The following H2BN1 variants were observed in gnomAD, a reference collection of about 807,000 sequenced individuals.
The protein encoded by H2BN1 is H2B.N variant histone 1.
At chr17:32,897,917 T>A in the H2BN1 span, among the ~76,000 whole-genome samples, 22 of 152,242 alleles carry the variant, frequency 1.4e-4, no homozygotes, top group Non-Finnish European at 4.4e-5. Context: ...CTAAACTAAG[T>A]GTTTTCCATC....
chr17:32,898,037 C>T, the H2BN1 span, among the ~76,000 whole-genome samples: 1 of 152,200 alleles, frequency 6.6e-6, no homozygotes. Flanking sequence ...ATCTTTCTCA[C>T]CAGCTCCAAA....
the H2BN1 span, among the ~76,000 whole-genome samples, chr17:32,899,205 G>C: frequency 1.3e-5 from 2 of 152,160 alleles, no homozygotes; most frequent in Admixed American, 1.3e-4. Flanking sequence ...TTTGCATATA[G>C]TATAGCAAGA....
chr17:32,905,043 A>C, the H2BN1 span, among the ~76,000 whole-genome samples: 1 of 152,146 alleles, frequency 6.6e-6, no homozygotes, highest in South Asian at 2.1e-4. Context: ...ACAAAACTCC[A>C]ATTCAGTTAT....
chr17:32,904,247 A>G, the H2BN1 span, among the ~76,000 whole-genome samples: 1 of 152,164 alleles, frequency 6.6e-6, no homozygotes, highest in Admixed American at 6.5e-5. Context: ...ATCTATGAAA[A>G]CAACAGTTCA....
the H2BN1 span, among the ~76,000 whole-genome samples, chr17:32,901,237 A>G: frequency 6.6e-6 from 1 of 152,090 alleles, no homozygotes; most frequent in Non-Finnish European, 1.5e-5. Flanking sequence ...AATCTTGACC[A>G]TAAGATATAA....
At chr17:32,904,833 G>A in the H2BN1 span, among the ~76,000 whole-genome samples, 1 of 151,944 alleles carries the variant, frequency 6.6e-6, no homozygotes, top group East Asian at 1.9e-4. Flanking sequence ...TAGTTGTGAG[G>A]AATTTTAGTC....
chr17:32,897,442 G>A, the H2BN1 span, among the ~76,000 whole-genome samples: 1 of 151,094 alleles, frequency 6.6e-6, no homozygotes, highest in Admixed American at 6.6e-5. Context: ...TGCTCCATAT[G>A]TCTCATGTCC....
the H2BN1 span, among the ~76,000 whole-genome samples, chr17:32,903,691 T>A: frequency 6.6e-6 from 1 of 152,240 alleles, no homozygotes; most frequent in Admixed American, 6.5e-5. Context: ...AGGAACAACG[T>A]AGTTTGCAGG....
chr17:32,903,869 G>C, the H2BN1 span, among the ~76,000 whole-genome samples: 1 of 152,082 alleles, frequency 6.6e-6, no homozygotes, highest in African/African-American at 2.4e-5. Context: ...TTTCTGAAGA[G>C]GGGGAACTGA....
the H2BN1 span, among the ~76,000 whole-genome samples, chr17:32,903,680 T>G: frequency 6.6e-6 from 1 of 152,184 alleles, no homozygotes; most frequent in African/African-American, 2.4e-5. Context: ...AAAAAGAATT[T>G]AGGAACAACG....
At chr17:32,902,365 A>T in the H2BN1 span, among the ~76,000 whole-genome samples, 1 of 152,172 alleles carries the variant, frequency 6.6e-6, no homozygotes, top group Non-Finnish European at 1.5e-5. Flanking sequence ...GTGTGGGCTG[A>T]ACTAACTTTG....
At chr17:32,905,312 G>A in the H2BN1 span, among the ~76,000 whole-genome samples, 2 of 152,218 alleles carry the variant, frequency 1.3e-5, no homozygotes, top group African/African-American at 4.8e-5. Context: ...GGGGAGATCA[G>A]GGATTCTCTG....
the H2BN1 span, among the ~76,000 whole-genome samples, chr17:32,904,173 C>A: frequency 2.0e-5 from 3 of 152,176 alleles, no homozygotes; most frequent in African/African-American, 7.2e-5. Context: ...CCCAGGGGCA[C>A]CTTTCAGCTG....
At chr17:32,900,226 C>A in the H2BN1 span, among the ~76,000 whole-genome samples, 80 of 152,240 alleles carry the variant, frequency 5.3e-4, 1 homozygote, top group East Asian at 0.014. Flanking sequence ...ATAAATACAG[C>A]CCAGATAAAG....
the H2BN1 span, among the ~76,000 whole-genome samples, chr17:32,900,428 C>T: frequency 2.1e-3 from 314 of 152,200 alleles, no homozygotes; most frequent in African/African-American, 7.3e-3. Flanking sequence ...TGTAAAATAT[C>T]AAAGGTTAAA....
chr17:32,896,144 G>A, the H2BN1 span, among the ~76,000 whole-genome samples: 1 of 152,014 alleles, frequency 6.6e-6, no homozygotes, highest in South Asian at 2.1e-4. Context: ...TTGAACTCCT[G>A]GGCTCAAGCA....
chr17:32,901,864 GT>G, the H2BN1 span, among the ~76,000 whole-genome samples: 7 of 151,746 alleles, frequency 4.6e-5, no homozygotes, highest in Non-Finnish European at 7.4e-5. Context: ...GTGTAGAAGT[GT>G]TTTTTTTAAC....
At chr17:32,899,618 C>A in the H2BN1 span, among the ~76,000 whole-genome samples, 1 of 152,180 alleles carries the variant, frequency 6.6e-6, no homozygotes, top group Non-Finnish European at 1.5e-5. Context: ...TAGATTCTTA[C>A]TGTACTTTTG....
At chr17:32,905,278 A>T in the H2BN1 span, among the ~76,000 whole-genome samples, 1 of 152,230 alleles carries the variant, frequency 6.6e-6, no homozygotes, top group African/African-American at 2.4e-5. Flanking sequence ...ACAGCAAAAT[A>T]AACTTTAGTT....
Sources: gnomAD v4.1 joint callset for allele counts (sites outside exome capture counted in the v4.1 genomes callset) on GRCh38, gnomAD v4.1.1 for gene constraint, MANE v1.5 for transcripts, NCBI Gene and HGNC (gene_info 2026-07-23, HGNC 2026-07-21) for gene names.